Variants in DIP2C observed in about 807,000 individuals in gnomAD.
DIP2C encodes the protein disco-interacting protein 2 homolog C.
Under a neutral mutation model 192.4 loss-of-function variants are expected in DIP2C, and 33 were observed. The observed-to-expected ratio is 0.17, with a 90% CI of 0.13 to 0.23. DIP2C has a LOEUF of 0.23. DIP2C is among the 10% of genes least tolerant of loss of function. The probability of loss-of-function intolerance (pLI) is 1.00; values close to 1 mark genes in which losing one functional copy is unlikely to be tolerated. For missense variants in DIP2C, 1,537 were observed against 2,110.1 expected, an observed-to-expected ratio of 0.73 and a Z score of 5.32; for synonymous variants, 979 against 864.1, an observed-to-expected ratio of 1.13 and a Z score of -2.33.
At chr10:394,033 C>T (rs1324283026) in intron 10 of DIP2C, among the ~76,000 whole-genome samples, 1 of 152,200 alleles carries the variant, frequency 6.6e-6, no homozygotes, top group Admixed American at 6.5e-5. Context: ...ATAGAACTAC[C>T]ATATGATCCA....
rs1959781516 is a variant in DIP2C at position 363,440 on chromosome 10, T to C, written c.2478-129A>G. ...CCAACTACGACTTCAAAACGGCCGC[T>C]GTACTTCCGAATTTCCCCACACTCA... On this transcript the variant is annotated intron_variant, in intron 20 of 36. Coordinates refer to ENST00000280886, the MANE Select transcript of DIP2C (RefSeq NM_014974.3). This position sits in a 1 kb window ranked among gnomAD's most constrained non-coding sequence, Gnocchi z 5.4. 1.4e-6 allele frequency: 1 copy of C among 691,164 alleles called. No individual in the cohort carries two copies. Among genetic ancestry groups the C allele is most frequent in the East Asian group, 2.8e-5 (1 of 35,680 alleles). The allele number at this position is 691,164 out of a possible 1,614,324, so 42.8% of individuals were successfully genotyped here. A position where few individuals can be genotyped will look rare whatever the true frequency, so the allele number is the denominator to read the frequency against.
chr10:596,755 G>A (rs1156539004), intron 1 of DIP2C, among the ~76,000 whole-genome samples: 2 of 152,156 alleles, frequency 1.3e-5, no homozygotes, highest in African/African-American at 2.4e-5. Context: ...CGGCTCAAGC[G>A]TCTGAGAAAT....
rs949981691 is a variant in DIP2C, at chr10:304,895, AC to A, written c.3986+5135del. Reference sequence around the variant, plus strand: ...ATGCAACACACACATGCACACTCATACTTGCATGTACTCGTGTGCACAAATA... The same window carrying A: ...ATGCAACACACACATGCACACTCATATTGCATGTACTCGTGTGCACAAATA... On this transcript the variant is annotated intron_variant, in intron 32 of 36. Transcript: ENST00000280886. Among the ~76,000 whole-genome samples the A allele has an allele frequency of 5.3e-5, 8 of 151,952 alleles. 1 individual carries two copies. Among genetic ancestry groups the A allele is most frequent in the African/African-American group, 1.9e-4 (8 of 41,376 alleles).
intron 1 of DIP2C, chr10:662,645 G>A (rs1020967811): frequency 1.0e-4 from 58 of 567,394 alleles, no homozygotes; most frequent in African/African-American, 9.6e-4. Flanking sequence ...CTTGATATGG[G>A]GGAATTTTTT....
At chr10:281,409 A>G (rs1954812238) in intron 35 of DIP2C, 86 bp from the exon 36 acceptor site, 1 of 1,487,756 alleles carries the variant, frequency 6.7e-7, no homozygotes, top group Admixed American at 2.2e-5. Context: ...ATTAAAAACG[A>G]CCCCCAAGTG....
At chr10:337,317 AC>A (rs1957870730) in intron 29 of DIP2C, among the ~76,000 whole-genome samples, 10 of 9,450 alleles carry the variant, frequency 1.1e-3, no homozygotes, top group South Asian at 5.0e-3. Flanking sequence ...GTGTGTGTGC[AC>A]GTGTGTTGTG....
intron 2 of DIP2C, chr10:484,918 C>T: frequency 6.2e-7 from 1 of 1,611,512 alleles, no homozygotes; most frequent in Non-Finnish European, 8.5e-7. Flanking sequence ...GTGCTGCAGT[C>T]TACACCGAAC....
At chr10:474,489 A>G (rs1330817810) in intron 2 of DIP2C, among the ~76,000 whole-genome samples, 3 of 152,250 alleles carry the variant, frequency 2.0e-5, no homozygotes, top group East Asian at 3.9e-4. Context: ...ATTTTCCTGG[A>G]AGTCCTCTTG....
At chr10:383,842 C>T (rs1484552508) in intron 16 of DIP2C, among the ~76,000 whole-genome samples, 185 bp downstream of exon 16, 3 of 151,456 alleles carry the variant, frequency 2.0e-5, no homozygotes, top group Admixed American at 1.3e-4. Context: ...TGAGTGATTA[C>T]TGTTTGGTGA....
rs139265409 is a variant in DIP2C at position 417,704 on chromosome 10, C to CA, written c.739+1360_739+1361insT. Among the ~76,000 whole-genome samples, 437 of 111,276 alleles carry CA rather than the reference C, an allele frequency of 3.9e-3. 111 individuals carry two copies. The highest frequency in any genetic ancestry group is 5.4e-3 in the Admixed American group (60 of 11,188). 73.0% of individuals were successfully genotyped at this position (111,276 alleles called of 152,430 possible). ...GGCCTCCCTGTCCGCCTGTGCCTGTCGGCTCAAATAGGCCTCCCTGTCTGC... is the reference window on the plus strand; with the variant it reads ...GGCCTCCCTGTCCGCCTGTGCCTGTCAGGCTCAAATAGGCCTCCCTGTCTGC... On this transcript the variant is annotated intron_variant, in intron 6 of 36. Transcript: ENST00000280886.
intron 1 of DIP2C, among the ~76,000 whole-genome samples, chr10:548,720 GT>G (rs1343910710): frequency 6.6e-6 from 1 of 151,936 alleles, no homozygotes; most frequent in African/African-American, 2.4e-5. Flanking sequence ...GCCTCAGACT[GT>G]GGAGCTTTCA....
intron 13 of DIP2C, 66 bp downstream of exon 13, chr10:389,925 G>T: frequency 7.9e-7 from 1 of 1,267,356 alleles, no homozygotes; most frequent in Non-Finnish European, 1.1e-6. Context: ...TGGGAGTGAT[G>T]TGGCCTTCGT....
rs773551185 is a variant in DIP2C, at chr10:569,938, GCTT to G, written c.86-83411_86-83409del. ...GTTCTGGAAGCCAGAAATCTACAGT[GCTT>G]CTGGCAGCCAAGTCCTCTCAGCCTT... On this transcript the variant is annotated intron_variant, in intron 1 of 36. Coordinates refer to ENST00000280886, the MANE Select transcript of DIP2C (RefSeq NM_014974.3). Among the ~76,000 whole-genome samples the G allele has an allele frequency of 2.6e-5, 4 of 152,280 alleles. No individual in the cohort carries two copies. In the East Asian group the frequency reaches 5.8e-4, roughly 22 times the overall value.
chr10:377,959 T>C (rs1282752815), intron 17 of DIP2C, among the ~76,000 whole-genome samples: 2 of 152,188 alleles, frequency 1.3e-5, no homozygotes, highest in African/African-American at 4.8e-5. Context: ...TCAATAAACA[T>C]TTCACAACGT....
rs1419172550 is a variant in DIP2C at position 651,055 on chromosome 10, C to G, written c.85+38439G>C. 1 of 717,500 alleles carries G rather than the reference C, an allele frequency of 1.4e-6. No homozygotes were observed. Among genetic ancestry groups the G allele is most frequent in the Non-Finnish European group, 2.6e-6 (1 of 385,094 alleles). The allele number at this position is 717,500 out of a possible 1,614,324, so 44.4% of individuals were successfully genotyped here. ...CAGAAGCCCCTTTCCATCCTAGCCC[C>G]TGCCACCCCTCCTGCTCTTGTCTCT... is the stretch of plus-strand genomic sequence containing the variant. On this transcript the variant is annotated intron_variant, in intron 1 of 36. Transcript: ENST00000280886. This position sits in a 1 kb window ranked among gnomAD's most constrained non-coding sequence, Gnocchi z 4.1.
At chr10:453,990 A>C (rs1306263216) in intron 3 of DIP2C, among the ~76,000 whole-genome samples, 2 of 152,244 alleles carry the variant, frequency 1.3e-5, no homozygotes, top group African/African-American at 4.8e-5. Flanking sequence ...CCTCTGTCAC[A>C]CTTCACAAAC....
At chr10:619,808 T>C (rs1367840008) in intron 1 of DIP2C, among the ~76,000 whole-genome samples, 3 of 151,088 alleles carry the variant, frequency 2.0e-5, no homozygotes, top group African/African-American at 7.3e-5. Flanking sequence ...CGCCAGAGAG[T>C]CCTGGATAAA....
chr10:309,279 T>C (rs1010675207), intron 32 of DIP2C, among the ~76,000 whole-genome samples: 1 of 151,696 alleles, frequency 6.6e-6, no homozygotes, highest in African/African-American at 2.4e-5. Context: ...GTCCTCACAC[T>C]CTCACCAAGA....
chr10:642,501 C>T (rs554331136), intron 1 of DIP2C, among the ~76,000 whole-genome samples: 78 of 152,384 alleles, frequency 5.1e-4, no homozygotes, highest in African/African-American at 1.8e-3. Flanking sequence ...AAATGCAAAC[C>T]AATCAAGCAG....
Sources: allele counts gnomAD v4.1 joint callset (sites outside exome capture counted in the v4.1 genomes callset), GRCh38; gene constraint gnomAD v4.1.1; non-coding constraint Gnocchi (gnomAD v3.1); transcripts MANE v1.5; gene names NCBI Gene and HGNC (gene_info 2026-07-23, HGNC 2026-07-21).